The following MTUS2 variants were observed in gnomAD, a reference collection of about 807,000 sequenced individuals.
MTUS2 encodes microtubule-associated tumor suppressor candidate 2.
MTUS2 carries 40 observed loss-of-function variants against 114.1 expected under a neutral mutation model. The observed-to-expected ratio is 0.35, with a 90% CI of 0.27 to 0.46. The LOEUF (loss-of-function observed/expected upper bound fraction) is 0.46. Ranked by LOEUF, MTUS2 falls within the 20% of genes least tolerant of loss-of-function variation. MTUS2 has a pLI of 1.00. For synonymous variants in MTUS2, 688 were observed against 672.0 expected (o/e 1.02, Z -0.37); for missense variants, 1,679 against 1,705.4 (o/e 0.98, Z 0.27).
At chr13:29,391,737 A>G (rs552564624) in intron 8 of MTUS2, among the ~76,000 whole-genome samples, 55 of 152,220 alleles carry the variant, frequency 3.6e-4, no homozygotes, top group Non-Finnish European at 6.8e-4. Context: ...TACACAACAA[A>G]AGCTACGATT....
chr13:29,053,267 G>A (rs373404717), intron 4 of MTUS2, among the ~76,000 whole-genome samples: 3 of 152,244 alleles, frequency 2.0e-5, no homozygotes, highest in East Asian at 1.9e-4. Context: ...AGATAAGGAC[G>A]TTGCTTTACA....
At chr13:28,896,324 C>T (rs529489305) in intron 2 of MTUS2, among the ~76,000 whole-genome samples, 213 of 152,206 alleles carry the variant, frequency 1.4e-3, no homozygotes, top group African/African-American at 4.4e-3. Context: ...GAATAAAATA[C>T]CTACGAATCC....
At chr13:28,881,089 CACTGT>C (rs1477889511) in intron 2 of MTUS2, among the ~76,000 whole-genome samples, 1 of 152,144 alleles carries the variant, frequency 6.6e-6, no homozygotes, top group East Asian at 1.9e-4. Context: ...ATGTAGTGGA[CACTGT>C]ACCCAATAGA....
chr13:29,281,863 C>T lies in MTUS2; in HGVS notation c.2804C>T (p.Ala935Val), dbSNP rs1423701875. 4.4e-6 allele frequency: 7 copies of T among 1,587,164 alleles called. No homozygotes were observed. Among genetic ancestry groups the T allele is most frequent in the South Asian group, 2.3e-5 (2 of 88,284 alleles). ...GCGCCAAAATCCACTTCCACACCCG[C>T]TGGTAAGACTTTGTGCCTTGGAGAG... The part of the protein sequence containing the change: ...LPAPKSTSTP[A>V]GTKKDAQKDQ... The change falls in exon 6 of 16, where the codon GCT becomes GTT. Residue 935 changes from alanine (A) to valine (V), a missense_variant and splice_region_variant. Physicochemically the swap from Ala to Val is moderately conservative, Grantham distance 64 (BLOSUM62 0). Around this residue, in one of 3 missense-constraint regions of MTUS2, gnomAD observed 822 missense variants for 899.7 expected, o/e 0.91. Coordinates refer to ENST00000612955, the MANE Select transcript of MTUS2 (RefSeq NM_001033602.4).
intron 4 of MTUS2, among the ~76,000 whole-genome samples, chr13:29,038,012 G>A (rs2138539398): frequency 6.6e-6 from 1 of 152,260 alleles, no homozygotes; most frequent in Non-Finnish European, 1.5e-5. Flanking sequence ...GCCTACTTCT[G>A]TCAATTCATC....
chr13:28,909,171 G>A (rs563199118), intron 2 of MTUS2, among the ~76,000 whole-genome samples: 7 of 151,502 alleles, frequency 4.6e-5, no homozygotes, highest in African/African-American at 7.3e-5. Flanking sequence ...TTGGCGATGC[G>A]GGCTTTTTTT....
At chr13:29,133,390 G>T (rs1891848174) in intron 5 of MTUS2, among the ~76,000 whole-genome samples, 1 of 152,024 alleles carries the variant, frequency 6.6e-6, no homozygotes, top group Non-Finnish European at 1.5e-5. Context: ...TTCTTTTATT[G>T]TCTGTGCTTT....
At chr13:29,306,135 C>T (rs533247769) in intron 6 of MTUS2, among the ~76,000 whole-genome samples, 1 of 152,124 alleles carries the variant, frequency 6.6e-6, no homozygotes, top group Non-Finnish European at 1.5e-5. Flanking sequence ...AAGGAACATA[C>T]CTCAGAATAA....
intron 6 of MTUS2, chr13:29,306,875 T>C: frequency 2.0e-6 from 1 of 502,736 alleles, no homozygotes; most frequent in Non-Finnish European, 4.0e-6. Flanking sequence ...ATTGTGGCCA[T>C]CAGTGACCCC....
chr13:29,068,284 A>G (rs1010665804), intron 4 of MTUS2, among the ~76,000 whole-genome samples: 1 of 152,216 alleles, frequency 6.6e-6, no homozygotes, highest in African/African-American at 2.4e-5. Context: ...CTGTGCATTC[A>G]ACAAACAAAA....
intron 9 of MTUS2, among the ~76,000 whole-genome samples, chr13:29,457,021 T>C (rs1879159833): frequency 6.6e-6 from 1 of 151,478 alleles, no homozygotes; most frequent in Non-Finnish European, 1.5e-5. Flanking sequence ...GGCAGGCACC[T>C]GTAGTCCCAG....
intron 2 of MTUS2, among the ~76,000 whole-genome samples, chr13:28,987,410 G>T (rs1884638454): frequency 6.6e-6 from 1 of 152,156 alleles, no homozygotes; most frequent in Admixed American, 6.5e-5. Context: ...TAGAGGGGGA[G>T]AAAGCTGGAT....
intron 9 of MTUS2, among the ~76,000 whole-genome samples, chr13:29,456,624 A>G (rs1593464716): frequency 6.6e-6 from 1 of 152,230 alleles, no homozygotes; most frequent in Non-Finnish European, 1.5e-5. Flanking sequence ...GAAGACACAC[A>G]TTACATGTAG....
intron 5 of MTUS2, among the ~76,000 whole-genome samples, chr13:29,127,125 G>A (rs1001579596): frequency 1.3e-5 from 2 of 152,104 alleles, no homozygotes; most frequent in African/African-American, 4.8e-5. Context: ...CACCTAACTT[G>A]TTCTTCAGCC....
intron 8 of MTUS2, among the ~76,000 whole-genome samples, chr13:29,369,170 A>G (rs1478372583): frequency 6.6e-6 from 1 of 152,240 alleles, no homozygotes; most frequent in Admixed American, 6.5e-5. Context: ...CAGTTTGGCA[A>G]GAGTATCTGT....
At chr13:29,201,144 A>G (rs1894937831) in intron 5 of MTUS2, among the ~76,000 whole-genome samples, 1 of 152,156 alleles carries the variant, frequency 6.6e-6, no homozygotes, top group Non-Finnish European at 1.5e-5. Flanking sequence ...GTGGGAGTCT[A>G]AGTTTCTTTG....
Position 29,492,674 on chromosome 13 carries a change from G to C in MTUS2, c.3534G>C (p.Lys1178Asn). 6.2e-7 allele frequency: 1 copy of C among 1,613,694 alleles called. No homozygotes were observed. Among genetic ancestry groups the C allele is most frequent in the Non-Finnish European group, 8.5e-7 (1 of 1,179,752 alleles). ...QELMSTHELEKKELEENFEKL... is the reference protein window; with the variant it reads ...QELMSTHELENKELEENFEKL... ...TGATGTCCACTCATGAGCTTGAAAA[G>C]AAAGAATTGGAAGAAAATTTTGAAA... The change falls in exon 12 of 16, where the codon AAG becomes AAC. Residue 1178 changes from lysine to asparagine, a missense_variant. This residue lies in a region of MTUS2 where 822 missense variants were observed against 899.7 expected (regional missense o/e 0.91). Coordinates refer to ENST00000612955, the MANE Select transcript of MTUS2 (RefSeq NM_001033602.4).
rs369248935 is a variant in MTUS2, at chr13:28,950,140, C to T, written c.-242-74317C>T. On this transcript the variant is annotated intron_variant, in intron 2 of 15. Transcript: ENST00000612955. ...TTATTGTCTGTTTTTTGATACTAGCCATCCTTATGGGTACCCGGTGACATT... is the reference window on the plus strand; with the variant it reads ...TTATTGTCTGTTTTTTGATACTAGCTATCCTTATGGGTACCCGGTGACATT... 1.1e-3 allele frequency among the ~76,000 whole-genome samples: 163 copies of T among 152,294 alleles called. 1 individual carries two copies. Among genetic ancestry groups the T allele is most frequent in the African/African-American group, 3.5e-3 (146 of 41,572 alleles).
intron 8 of MTUS2, among the ~76,000 whole-genome samples, chr13:29,361,009 T>G (rs1320567979): frequency 6.6e-6 from 1 of 152,248 alleles, no homozygotes; most frequent in East Asian, 1.9e-4. Flanking sequence ...ATGTTCCGTG[T>G]TTTAGAAGTT....
Sources: allele counts gnomAD v4.1 joint callset (sites outside exome capture counted in the v4.1 genomes callset), GRCh38; gene constraint gnomAD v4.1.1; regional missense constraint gnomAD v4.1.1; transcripts MANE v1.5; gene names NCBI Gene and HGNC (gene_info 2026-07-23, HGNC 2026-07-21).